Variants in NELFE observed in about 807,000 individuals in gnomAD.
NELFE encodes negative elongation factor E.
A neutral mutation model predicts 55.5 loss-of-function variants in NELFE; 26 were observed. That is an observed-to-expected ratio of 0.47 (90% CI 0.34 to 0.65). The LOEUF is 0.65. Among genes scored for constraint, NELFE ranks in the 30% least tolerant of loss-of-function variants. The pLI is 0.01. For synonymous variants in NELFE, 162 were observed against 178.0 expected (o/e 0.91, Z 0.72); for missense variants, 403 against 506.9 (o/e 0.80, Z 1.97).
intron 1 of NELFE, 57 bp downstream of exon 1, chr6:31,958,835 G>C (rs916758672): frequency 3.1e-6 from 2 of 639,984 alleles, no homozygotes; most frequent in Non-Finnish European, 5.6e-6. Context: ...CAAAGAGGAA[G>C]AACAGAGAAA....
At chr6:31,956,487 G>A (rs1772095642) in intron 4 of NELFE, among the ~76,000 whole-genome samples, 3 of 152,174 alleles carry the variant, frequency 2.0e-5, no homozygotes, top group Non-Finnish European at 2.9e-5. Context: ...TATTCCAAGA[G>A]CTCCAATCCA....
At chr6:31,955,595 T>C (rs1447376827) in intron 4 of NELFE, among the ~76,000 whole-genome samples, 1 of 150,902 alleles carries the variant, frequency 6.6e-6, no homozygotes, top group Non-Finnish European at 1.5e-5. Context: ...ACTAGAGATG[T>C]GCTCTACCAT....
chr6:31,955,171 T>C, intron 5 of NELFE, 48 bp downstream of exon 5: 1 of 1,611,996 alleles, frequency 6.2e-7, no homozygotes, highest in Non-Finnish European at 8.5e-7. Flanking sequence ...TTGTCTCTCA[T>C]ATTCCTCCAT....
At chr6:31,952,916 TCTAG>T (rs2151790610) in intron 10 of NELFE, among the ~76,000 whole-genome samples, 1 of 152,298 alleles carries the variant, frequency 6.6e-6, no homozygotes, top group African/African-American at 2.4e-5. Context: ...CTCTCAAGCC[TCTAG>T]CTGTTTCTTC....
rs1253207142 is a variant in NELFE, at chr6:31,953,739, CCAGA to C, written c.1031_1034del (p.Val344GlyfsTer57). The C allele has an allele frequency of 6.2e-7, 1 of 1,612,806 alleles. No homozygotes were observed. The highest frequency in any genetic ancestry group is 1.7e-5 in the Admixed American group (1 of 60,014). Reference sequence around the variant, plus strand: ...GAATCCCATTCTTACCGAGGGAGCCCCAGACAGACTTGCCAGTAGCGGCATCCAG... The same window carrying C: ...GAATCCCATTCTTACCGAGGGAGCCCCAGACTTGCCAGTAGCGGCATCCAG... On this transcript the variant is annotated frameshift_variant, in exon 10 of 11. Transcript: ENST00000375429. LOFTEE classifies it high-confidence loss of function.
intron 4 of NELFE, among the ~76,000 whole-genome samples, chr6:31,955,819 G>A (rs1772053237): frequency 6.6e-6 from 1 of 152,108 alleles, no homozygotes; most frequent in African/African-American, 2.4e-5. Context: ...GTCCAGGCTG[G>A]AGTGCAGTGG....
chr6:31,953,263 G>C (rs1408473098), intron 10 of NELFE, among the ~76,000 whole-genome samples: 4 of 151,984 alleles, frequency 2.6e-5, no homozygotes, highest in Non-Finnish European at 4.4e-5. Context: ...TAGTCCCAGA[G>C]TACTCCTCAA....
rs781110648 is a variant in NELFE at position 31,954,668 on chromosome 6, C to T, written c.629G>A (p.Arg210Gln). ...CCTGTCCCGCTCTCTGTCTCTGTCT[C>T]GATCCCGGTCTCGATCCCGCTCCCG... ...RDRERDRDRD[R>Q]DRDRERDRDR... Residue 210 changes from arginine to glutamine, a missense_variant, in exon 7 of 11, where the codon CGA (arginine) becomes CAA (glutamine). Transcript: ENST00000375429. This position sits in a 1 kb window ranked among gnomAD's most constrained non-coding sequence, Gnocchi z 5.5. The T allele has an allele frequency of 4.0e-5, 63 of 1,581,636 alleles. No homozygotes were observed. The highest frequency in any genetic ancestry group is 4.6e-5 in the Non-Finnish European group (53 of 1,159,800).
In NELFE at chr6:31,954,739, G is replaced by A; in HGVS notation, c.558C>T (p.Arg186=). ...TCCTCTCATGGCTGCGGTCCCGGCT[G>A]CGGCTTCGGGGAGGGGAGGCTGAGG... ...AHSSASPPRS[R]SRDRSHERNR... The change falls in exon 7 of 11, where the codon CGC becomes CGT. Residue 186 remains arginine, a synonymous_variant. Transcript: ENST00000375429. This position sits in a 1 kb window ranked among gnomAD's most constrained non-coding sequence, Gnocchi z 5.5. The A allele has an allele frequency of 6.2e-7, 1 of 1,613,708 alleles. No homozygotes were observed. Among genetic ancestry groups the A allele is most frequent in the Non-Finnish European group, 8.5e-7 (1 of 1,180,004 alleles).
rs969773553 is a variant in NELFE at position 31,953,986 on chromosome 6, A to G, written c.942+94T>C. ...GAATAGGGAGAGGCTTTCTTTATCA[A>G]GAGGAACCAACTTCTTCCTGGCATC... is the stretch of plus-strand genomic sequence containing the variant. On this transcript the variant is annotated intron_variant, in intron 9 of 10. Transcript: ENST00000375429. 32 of 1,451,746 alleles carry G rather than the reference A, an allele frequency of 2.2e-5. No individual in the cohort carries two copies. The African/African-American group carries it at 4.0e-4, about 18-fold the overall frequency. The allele number at this position is 1,451,746 out of a possible 1,614,324, so 89.9% of individuals were successfully genotyped here.
intron 1 of NELFE, 91 bp from the exon 2 acceptor site, chr6:31,958,545 C>T: frequency 9.7e-7 from 1 of 1,032,452 alleles, no homozygotes; most frequent in Non-Finnish European, 1.5e-6. Context: ...CCCACCCCTT[C>T]AGGTCTGCCT....
chr6:31,955,508 G>C (rs534990290), intron 4 of NELFE, among the ~76,000 whole-genome samples: 102 of 148,286 alleles, frequency 6.9e-4, no homozygotes, highest in African/African-American at 2.4e-3. Flanking sequence ...GAGTGCAATA[G>C]AGCAATCGTA....
rs768161709 is a variant in NELFE at position 31,954,623 on chromosome 6, T to C, written c.674A>G (p.Asp225Gly). Residue 225 changes from aspartate (D) to glycine (G), a missense_variant, in exon 7 of 11, where the codon GAT becomes GGT. By Grantham distance (94) the Asp-to-Gly change is moderately conservative. Coordinates refer to ENST00000375429, the MANE Select transcript of NELFE (RefSeq NM_002904.6). The surrounding 1 kb of genome is among the most constrained non-coding windows in gnomAD (Gnocchi z 5.5). Reference protein sequence around the residue: ...ERDRDRDRDRDRDRERDRDRE... With the variant: ...ERDRDRDRDRGRDRERDRDRE... ...ATCCCTGTCCCGTTCCCGGTCTCGA[T>C]CTCGATCCCGATCCCGATCCCTGTC... The C allele has an allele frequency of 1.2e-6, 2 of 1,607,448 alleles. No homozygotes were observed. Among genetic ancestry groups the C allele is most frequent in the African/African-American group, 1.3e-5 (1 of 74,346 alleles).
Position 31,954,370 on chromosome 6 carries a change from G to A in NELFE, c.815C>T (p.Thr272Ile). The change falls in exon 8 of 11, where the codon ACA becomes ATA. Residue 272 changes from threonine (T) to isoleucine (I), a missense_variant. Coordinates refer to ENST00000375429, the MANE Select transcript of NELFE (RefSeq NM_002904.6). The surrounding 1 kb of genome is among the most constrained non-coding windows in gnomAD (Gnocchi z 5.5). ...NTLYVYGEDM[T>I]PTLLRGAFSP... ...GAAGGCCCCACGGAGAAGGGTGGGTGTCATGTCTTCTCCATATACATAGAG... is the reference window on the plus strand; with the variant it reads ...GAAGGCCCCACGGAGAAGGGTGGGTATCATGTCTTCTCCATATACATAGAG... The A allele has an allele frequency of 6.2e-7, 1 of 1,613,790 alleles. No individual in the cohort carries two copies. The highest frequency in any genetic ancestry group is 8.5e-7 in the Non-Finnish European group (1 of 1,179,830).
At chr6:31,953,947 G>A (rs2151792258) in intron 9 of NELFE, 116 bp from the exon 10 acceptor site, 2 of 1,332,546 alleles carry the variant, frequency 1.5e-6, no homozygotes, top group Non-Finnish European at 2.1e-6. Flanking sequence ...CTGAGAATGT[G>A]AGTTTTTCTG....
chr6:31,958,936 C>T lies in NELFE; in HGVS notation c.-53G>A, dbSNP rs1229472836. On this transcript the variant is annotated 5_prime_UTR_variant, in exon 1 of 11. Transcript: ENST00000375429. ...GGGCCCCACGGTCTCCGGCCGCGCC[C>T]GCGCTGGCCGCTGATAGCGGGCTCA... 1.5e-5 allele frequency: 9 copies of T among 594,368 alleles called. No individual in the cohort carries two copies. The highest frequency in any genetic ancestry group is 2.7e-5 in the Non-Finnish European group (9 of 335,810). 36.8% of individuals were successfully genotyped at this position (594,368 alleles called of 1,614,324 possible).
At chr6:31,958,800 C>G (rs1772260489) in intron 1 of NELFE, 92 bp downstream of exon 1, 3 of 678,502 alleles carry the variant, frequency 4.4e-6, no homozygotes, top group Non-Finnish European at 8.0e-6. Flanking sequence ...GGCGGTGGAG[C>G]CAGCGTAGCG....
chr6:31,952,606 G>A (rs1363917161), intron 10 of NELFE, among the ~76,000 whole-genome samples: 2 of 152,186 alleles, frequency 1.3e-5, no homozygotes, highest in Non-Finnish European at 2.9e-5. Context: ...TTTGATGAAT[G>A]TTTTGTTCTT....
intron 1 of NELFE, 175 bp downstream of exon 1, chr6:31,958,717 G>C: frequency 2.8e-6 from 2 of 702,806 alleles, no homozygotes; most frequent in South Asian, 3.0e-5. Flanking sequence ...CCACTCCGTC[G>C]GAAAGACGAT....
Sources: allele counts gnomAD v4.1 joint callset (sites outside exome capture counted in the v4.1 genomes callset), GRCh38; gene constraint gnomAD v4.1.1; non-coding constraint Gnocchi (gnomAD v3.1); transcripts MANE v1.5; gene names NCBI Gene and HGNC (gene_info 2026-07-23, HGNC 2026-07-21).